The following MAGI2 variants were observed in gnomAD, a reference collection of about 807,000 sequenced individuals.
MAGI2 encodes membrane associated guanylate kinase, WW and PDZ domain containing 2.
In MAGI2, 35 loss-of-function variants were observed where a neutral mutation model predicts 133.3. That is an observed-to-expected ratio of 0.26 (90% CI 0.20 to 0.35). The LOEUF is 0.35. MAGI2 is among the 10% of genes least tolerant of loss of function. The pLI, the probability that MAGI2 is intolerant of heterozygous loss-of-function variation, is 1.00. For synonymous variants in MAGI2, 729 were observed against 710.6 expected (o/e 1.03, Z -0.41); for missense variants, 1,636 against 1,863.4 (o/e 0.88, Z 2.25).
At chr7:79,218,855 C>T (rs577155364) in intron 1 of MAGI2, among the ~76,000 whole-genome samples, 39 of 152,192 alleles carry the variant, frequency 2.6e-4, no homozygotes, top group Non-Finnish European at 5.1e-4. Flanking sequence ...GCATGTGAGG[C>T]CTTCGCCTAT....
chr7:78,985,065 G>C (rs1288549283), intron 2 of MAGI2, among the ~76,000 whole-genome samples: 1 of 150,100 alleles, frequency 6.7e-6, no homozygotes, highest in Non-Finnish European at 1.5e-5. Context: ...GCAGTGGTGT[G>C]ATCATAGCTA....
intron 1 of MAGI2, among the ~76,000 whole-genome samples, chr7:79,113,248 T>G (rs1287368663): frequency 6.6e-6 from 1 of 152,198 alleles, no homozygotes; most frequent in Non-Finnish European, 1.5e-5. Context: ...TTCATTAAAT[T>G]TCCATGGCTG....
chr7:78,349,588 GA>G (rs1430241946), intron 7 of MAGI2, among the ~76,000 whole-genome samples: 1 of 152,144 alleles, frequency 6.6e-6, no homozygotes, highest in Non-Finnish European at 1.5e-5. Flanking sequence ...CCATCAAAAT[GA>G]GTTTCTAGAG....
At chr7:79,082,913 G>C (rs1449981599) in intron 1 of MAGI2, among the ~76,000 whole-genome samples, 1 of 151,336 alleles carries the variant, frequency 6.6e-6, no homozygotes, top group Non-Finnish European at 1.5e-5. Flanking sequence ...GTACATTTTG[G>C]TTAAATTTAC....
chr7:78,433,722 G>A (rs1014883931), intron 6 of MAGI2, among the ~76,000 whole-genome samples: 7 of 152,144 alleles, frequency 4.6e-5, no homozygotes, highest in Non-Finnish European at 8.8e-5. Context: ...AGCCAGTAGT[G>A]TAAGGTACAG....
chr7:78,082,632 C>G (rs1816107524), intron 20 of MAGI2, among the ~76,000 whole-genome samples: 1 of 152,244 alleles, frequency 6.6e-6, no homozygotes, highest in Non-Finnish European at 1.5e-5. Flanking sequence ...CATTTTGGAG[C>G]AACGGAAGTT....
intron 1 of MAGI2, among the ~76,000 whole-genome samples, chr7:79,051,472 T>A (rs907863196): frequency 1.3e-5 from 2 of 152,224 alleles, no homozygotes; most frequent in Non-Finnish European, 2.9e-5. Flanking sequence ...CAGTGCAACA[T>A]GTGAAACTAT....
intron 1 of MAGI2, among the ~76,000 whole-genome samples, chr7:79,157,622 C>T (rs1373603604): frequency 6.6e-6 from 1 of 151,582 alleles, no homozygotes; most frequent in East Asian, 1.9e-4. Flanking sequence ...GCAGAATGAC[C>T]CCCTTTCAAG....
intron 10 of MAGI2, among the ~76,000 whole-genome samples, chr7:78,205,520 A>G (rs1829651165): frequency 6.6e-6 from 1 of 152,206 alleles, no homozygotes; most frequent in Admixed American, 6.5e-5. Context: ...AAAACAATGA[A>G]TAATTTTTTT....
At chr7:78,433,903 A>G (rs1327774310) in intron 6 of MAGI2, among the ~76,000 whole-genome samples, 1 of 152,174 alleles carries the variant, frequency 6.6e-6, no homozygotes, top group South Asian at 2.1e-4. Context: ...TGATACAAAT[A>G]TAATCCTTAG....
chr7:78,256,511 G>A lies in MAGI2; in HGVS notation c.1479C>T (p.Phe493=). 6.2e-7 allele frequency: 1 copy of A among 1,613,820 alleles called. No individual in the cohort carries two copies. The highest frequency in any genetic ancestry group is 2.2e-5 in the East Asian group (1 of 44,766). Residue 493 remains phenylalanine, a synonymous_variant, in exon 10 of 22, where the codon TTC becomes TTT. Transcript: ENST00000354212. ...CACTCTGACCAATAGGAACAGACTG[G>A]AAAAGTTTGACAACATCTGCATGAG... The part of the protein sequence containing the change: ...GHTHADVVKL[F]QSVPIGQSVN...
intron 1 of MAGI2, among the ~76,000 whole-genome samples, chr7:79,138,546 T>C (rs1821806143): frequency 6.6e-6 from 1 of 152,188 alleles, no homozygotes; most frequent in Non-Finnish European, 1.5e-5. Flanking sequence ...GTTTGAACAA[T>C]GGCTTTCTAT....
chr7:79,278,197 C>T (rs1166466616), intron 1 of MAGI2, among the ~76,000 whole-genome samples: 3 of 152,068 alleles, frequency 2.0e-5, no homozygotes, highest in Admixed American at 1.3e-4. Context: ...AAGTGTGTAG[C>T]ACCTCCCCAG....
chr7:79,156,245 A>G (rs1020334348), intron 1 of MAGI2, among the ~76,000 whole-genome samples: 1 of 152,138 alleles, frequency 6.6e-6, no homozygotes, highest in Non-Finnish European at 1.5e-5. Context: ...AAAATATTTT[A>G]CCCCAAAACA....
chr7:78,803,064 A>T (rs1244371456), intron 2 of MAGI2, among the ~76,000 whole-genome samples: 1 of 152,076 alleles, frequency 6.6e-6, no homozygotes, highest in African/African-American at 2.4e-5. Flanking sequence ...TTTTATACAC[A>T]TGCACGTATT....
At chr7:79,404,146 T>A (rs1845650548) in intron 1 of MAGI2, among the ~76,000 whole-genome samples, 1 of 152,172 alleles carries the variant, frequency 6.6e-6, no homozygotes, top group East Asian at 1.9e-4. Flanking sequence ...CTGGCAAGGA[T>A]ACAGCAACCA....
intron 7 of MAGI2, chr7:78,351,773 T>C (rs1362937285): frequency 1.3e-5 from 2 of 152,134 alleles, no homozygotes; most frequent in Non-Finnish European, 2.9e-5. Flanking sequence ...GACTTCATAA[T>C]TTTTTCTCTA....
chr7:78,110,183 T>A (rs1410683015), intron 20 of MAGI2, among the ~76,000 whole-genome samples: 1 of 152,240 alleles, frequency 6.6e-6, no homozygotes, highest in Admixed American at 6.5e-5. Context: ...CATTAATTTG[T>A]CTTTTTGCTT....
At position 79,174,404 on chromosome 7, in the gene MAGI2, T is replaced by C. The variant is rs377050833; in HGVS notation, c.302-167198A>G. ...GGAAGAAACCACAAAGAAAATTATTTGCACGTCTGAATTCACACATACACA... is the reference window on the plus strand; with the variant it reads ...GGAAGAAACCACAAAGAAAATTATTCGCACGTCTGAATTCACACATACACA... On this transcript the variant is annotated intron_variant, in intron 1 of 21. Transcript: ENST00000354212. 9.9e-5 allele frequency among the ~76,000 whole-genome samples: 15 copies of C among 152,066 alleles called. No individual in the cohort carries two copies. In the East Asian group the frequency reaches 1.7e-3, roughly 18 times the overall value.
Sources: gnomAD v4.1 joint callset for allele counts (sites outside exome capture counted in the v4.1 genomes callset) on GRCh38, gnomAD v4.1.1 for gene constraint, MANE v1.5 for transcripts, NCBI Gene and HGNC (gene_info 2026-07-23, HGNC 2026-07-21) for gene names.